Variants in ADARB1 observed in about 807,000 individuals in gnomAD.
ADARB1 encodes the protein double-stranded RNA-specific editase 1.
A neutral mutation model predicts 52.4 loss-of-function variants in ADARB1; 10 were observed. The ratio of observed to expected loss-of-function variants is 0.19; its 90% confidence interval spans 0.12 to 0.32. ADARB1 has a LOEUF of 0.32. Among genes scored for constraint, ADARB1 ranks in the 10% least tolerant of loss-of-function variants. The probability of loss-of-function intolerance (pLI) is 1.00; values close to 1 mark genes in which losing one functional copy is unlikely to be tolerated. For missense variants in ADARB1, 643 were observed against 922.3 expected, an observed-to-expected ratio of 0.70 and a Z score of 3.92; for synonymous variants, 349 against 371.1, an observed-to-expected ratio of 0.94 and a Z score of 0.68.
Position 45,175,763 on chromosome 21 carries a change from A to G in ADARB1, c.62A>G (p.Asn21Ser), listed in dbSNP as rs777093797. 5.0e-6 allele frequency: 8 copies of G among 1,614,002 alleles called. No individual in the cohort carries two copies. The highest frequency in any genetic ancestry group is 2.2e-5 in the South Asian group (2 of 91,090). ...SSSTDVKENR[N>S]LDNVSPKDGS... ...AGCACTGATGTGAAGGAAAACCGCAATCTGGACAACGTGTCCCCCAAGGAT... is the reference window on the plus strand; with the variant it reads ...AGCACTGATGTGAAGGAAAACCGCAGTCTGGACAACGTGTCCCCCAAGGAT... The change falls in exon 4 of 11, where the codon AAT becomes AGT. Residue 21 changes from asparagine to serine, a missense_variant. Physicochemically the swap from Asn to Ser is conservative, Grantham distance 46 (BLOSUM62 1). Coordinates refer to ENST00000348831, the MANE Select transcript of ADARB1 (RefSeq NM_001112.4).
At chr21:45,219,394 C>T (rs943765306) in intron 9 of ADARB1, among the ~76,000 whole-genome samples, 3 of 152,112 alleles carry the variant, frequency 2.0e-5, no homozygotes, top group Admixed American at 6.5e-5. Flanking sequence ...CATGGTGGCA[C>T]GCGCCTGTAG....
At chr21:45,101,199 G>C (rs889587742) in intron 1 of ADARB1, 1 of 152,316 alleles carries the variant, frequency 6.6e-6, no homozygotes, top group African/African-American at 2.4e-5. Flanking sequence ...GGCTGTTAAC[G>C]ATCAGCCTCG....
intron 9 of ADARB1, among the ~76,000 whole-genome samples, chr21:45,218,538 T>C (rs1374936756): frequency 2.0e-5 from 3 of 152,212 alleles, no homozygotes; most frequent in African/African-American, 7.2e-5. Context: ...ACCCTCTGCG[T>C]ATCTCCAGGG....
At chr21:45,139,152 C>T (rs915403031) in intron 2 of ADARB1, among the ~76,000 whole-genome samples, 1 of 152,080 alleles carries the variant, frequency 6.6e-6, no homozygotes, top group African/African-American at 2.4e-5. Flanking sequence ...AACTCCTGGG[C>T]TCAGGTGATC....
intron 8 of ADARB1, among the ~76,000 whole-genome samples, chr21:45,199,532 A>G (rs993512516): frequency 2.0e-5 from 3 of 152,200 alleles, no homozygotes; most frequent in African/African-American, 7.2e-5. Context: ...TCCTGGAGAA[A>G]CAGGCTGTCT....
At chr21:45,152,966 A>T (rs1030773773) in intron 2 of ADARB1, among the ~76,000 whole-genome samples, 8 of 152,212 alleles carry the variant, frequency 5.3e-5, no homozygotes, top group African/African-American at 1.7e-4. Context: ...ATGTCTTTGG[A>T]AAGATATTTA....
chr21:45,165,273 GTTTC>G (rs1268793011), intron 2 of ADARB1, among the ~76,000 whole-genome samples: 3 of 152,146 alleles, frequency 2.0e-5, no homozygotes, highest in African/African-American at 4.8e-5. Flanking sequence ...ACCTCTGCAT[GTTTC>G]TTTCTGTCAT....
rs1282651030 is a variant in ADARB1, at chr21:45,200,914, AG to A, written c.1566-3640del. Among the ~76,000 whole-genome samples the A allele has an allele frequency of 6.6e-6, 1 of 152,206 alleles. No homozygotes were observed. The highest frequency in any genetic ancestry group is 2.4e-5 in the African/African-American group (1 of 41,436). ...TGAATCAGGGGACAGATCAGATGAT[AG>A]CAGTCTGGACTCTGTTCCTAAAGAA... On this transcript the variant is annotated intron_variant, in intron 8 of 10. Transcript: ENST00000348831. This position sits in a 1 kb window ranked among gnomAD's most constrained non-coding sequence, Gnocchi z 5.0.
chr21:45,075,837 C>A (rs2085911358), intron 1 of ADARB1, among the ~76,000 whole-genome samples: 1 of 152,146 alleles, frequency 6.6e-6, no homozygotes, highest in Non-Finnish European at 1.5e-5. Flanking sequence ...ATTTTACTTC[C>A]TTCTTACTAA....
chr21:45,153,822 G>A (rs430446), intron 2 of ADARB1, among the ~76,000 whole-genome samples: 141,336 of 152,204 alleles, frequency 0.93, 65,823 homozygotes, highest in East Asian at 1. Context: ...AGGACAGCCA[G>A]TCTGTGCGGC....
At chr21:45,134,235 G>GGTGTGTGCCCGACAGT (rs1555894104) in intron 2 of ADARB1, among the ~76,000 whole-genome samples, 1 of 8,452 alleles carries the variant, frequency 1.2e-4, no homozygotes, top group East Asian at 2.7e-3. Context: ...TGCGCCCGCC[G>GGTGTGTGCCCGACAGT]GGTGTGTGCC....
intron 1 of ADARB1, among the ~76,000 whole-genome samples, chr21:45,127,826 A>G (rs776451179): frequency 6.6e-5 from 10 of 152,134 alleles, no homozygotes; most frequent in Non-Finnish European, 1.3e-4. Flanking sequence ...TTAATACTCC[A>G]TATTGAGGTT....
chr21:45,161,605 ACT>A (rs1298285258), intron 2 of ADARB1, among the ~76,000 whole-genome samples: 1 of 152,092 alleles, frequency 6.6e-6, no homozygotes, highest in Non-Finnish European at 1.5e-5. Flanking sequence ...CGGCAGGAAC[ACT>A]CTGGATGCCA....
chr21:45,081,168 C>T (rs2086135400), intron 1 of ADARB1, among the ~76,000 whole-genome samples: 1 of 152,126 alleles, frequency 6.6e-6, no homozygotes, highest in Non-Finnish European at 1.5e-5. Flanking sequence ...GCAGGCTTTC[C>T]TGAGTGCCTG....
At chr21:45,141,195 C>CA (rs945797983) in intron 2 of ADARB1, among the ~76,000 whole-genome samples, 35 of 147,470 alleles carry the variant, frequency 2.4e-4, no homozygotes, top group South Asian at 2.4e-3. Context: ...GACCCTGTCT[C>CA]AAAAAAAAAA....
At chr21:45,134,933 T>C in intron 2 of ADARB1, 2 of 435,264 alleles carry the variant, frequency 4.6e-6, no homozygotes, top group East Asian at 6.9e-5. Context: ...CAGAGCCACC[T>C]CTGCAGATGC....
At chr21:45,182,469 G>C (rs141948449) in intron 5 of ADARB1, 116 bp from the exon 6 acceptor site, 35,545 of 1,138,472 alleles carry the variant, frequency 0.031, 653 homozygotes, top group Non-Finnish European at 0.035. Flanking sequence ...AGCTTGAAAA[G>C]TCTGTTGGCC....
chr21:45,088,793 G>A (rs1218715562), intron 1 of ADARB1, among the ~76,000 whole-genome samples: 1 of 152,234 alleles, frequency 6.6e-6, no homozygotes, highest in Non-Finnish European at 1.5e-5. Context: ...ATCAAGATCA[G>A]CATCATCTGA....
intron 2 of ADARB1, among the ~76,000 whole-genome samples, chr21:45,141,162 C>G (rs932221238): frequency 6.6e-6 from 1 of 152,160 alleles, no homozygotes; most frequent in African/African-American, 2.4e-5. Flanking sequence ...TGCCAATGCA[C>G]TCCAGCCTGG....
Sources: gnomAD v4.1 joint callset for allele counts (sites outside exome capture counted in the v4.1 genomes callset) on GRCh38, gnomAD v4.1.1 for gene constraint, Gnocchi (gnomAD v3.1) non-coding constraint, MANE v1.5 for transcripts, NCBI Gene and HGNC (gene_info 2026-07-23, HGNC 2026-07-21) for gene names.